Variants in BBS9 observed in about 807,000 individuals in gnomAD.
BBS9 encodes the protein Bardet-Biedl syndrome 9, also known as protein PTHB1.
BBS9 carries 89 observed loss-of-function variants against 117.7 expected under a neutral mutation model. The ratio of observed to expected loss-of-function variants is 0.76; its 90% CI spans 0.64 to 0.90. BBS9 has a LOEUF of 0.90. BBS9 is among the 40% of genes least tolerant of loss of function. The pLI is 0.00. For missense variants in BBS9, 982 were observed against 1,042.2 expected (o/e 0.94, Z 0.80); for synonymous variants, 379 against 370.9 (o/e 1.02, Z -0.25).
chr7:33,161,878 T>G (rs1490563783), intron 4 of BBS9, among the ~76,000 whole-genome samples: 1 of 152,262 alleles, frequency 6.6e-6, no homozygotes, highest in African/African-American at 2.4e-5. Context: ...CCAGTGATGA[T>G]GAGCATTTTT....
chr7:33,258,558 G>A (rs1797460079), intron 6 of BBS9, among the ~76,000 whole-genome samples: 1 of 152,140 alleles, frequency 6.6e-6, no homozygotes, highest in Admixed American at 6.5e-5. Flanking sequence ...GGAGATGATT[G>A]AATGGTGGCA....
intron 9 of BBS9, among the ~76,000 whole-genome samples, chr7:33,278,540 A>C (rs1432311064): frequency 6.6e-6 from 1 of 152,174 alleles, no homozygotes; most frequent in African/African-American, 2.4e-5. Context: ...AGACTAGATG[A>C]GTTCAGCTGA....
exon 22 of BBS9, among the ~76,000 whole-genome samples, chr7:33,635,345 T>C (rs1249628328): frequency 6.6e-6 from 1 of 152,132 alleles, no homozygotes; most frequent in East Asian, 1.9e-4. Context: ...CTTCTGTCTT[T>C]GGTCTGTGAT....
intron 21 of BBS9, among the ~76,000 whole-genome samples, chr7:33,589,876 C>T (rs1244315138): frequency 1.3e-5 from 2 of 151,892 alleles, no homozygotes; most frequent in Admixed American, 1.3e-4. Context: ...GATAAAGTCA[C>T]CAAGGGAGTA....
At chr7:33,412,274 A>G (rs982281214) in intron 19 of BBS9, among the ~76,000 whole-genome samples, 3 of 152,164 alleles carry the variant, frequency 2.0e-5, no homozygotes, top group Admixed American at 6.5e-5. Context: ...TTTTTAGTTC[A>G]TCTCCAGAGT....
At chr7:33,410,069 C>T (rs115697231) in intron 19 of BBS9, among the ~76,000 whole-genome samples, 1,570 of 152,176 alleles carry the variant, frequency 0.01, 31 homozygotes, top group African/African-American at 0.036. Flanking sequence ...TGGGTACTTC[C>T]ATCTTTTCTC....
chr7:33,558,846 A>G (rs1162704827), intron 21 of BBS9, among the ~76,000 whole-genome samples: 1 of 152,222 alleles, frequency 6.6e-6, no homozygotes, highest in East Asian at 1.9e-4. Flanking sequence ...ACATTTGAGA[A>G]AATGAATAAT....
chr7:33,526,226 C>G (rs1328183093), intron 20 of BBS9, among the ~76,000 whole-genome samples: 1 of 152,018 alleles, frequency 6.6e-6, no homozygotes, highest in East Asian at 1.9e-4. Flanking sequence ...AATTATGTGT[C>G]TTGGAGTTGC....
At chr7:33,268,842 G>T (rs1238167252) in intron 7 of BBS9, among the ~76,000 whole-genome samples, 2 of 152,150 alleles carry the variant, frequency 1.3e-5, no homozygotes, top group East Asian at 3.9e-4. Flanking sequence ...CTCTCAGAGT[G>T]AGGCACACAT....
At chr7:33,242,497 G>A (rs1467428894) in intron 5 of BBS9, among the ~76,000 whole-genome samples, 4 of 152,114 alleles carry the variant, frequency 2.6e-5, no homozygotes, top group African/African-American at 4.8e-5. Context: ...CCTTTATGGG[G>A]TTCACACTTT....
chr7:33,171,729 A>T (rs1796607760), intron 4 of BBS9, among the ~76,000 whole-genome samples: 1 of 152,202 alleles, frequency 6.6e-6, no homozygotes, highest in South Asian at 2.1e-4. Context: ...CAATATTTTA[A>T]CTTATAAATG....
intron 19 of BBS9, among the ~76,000 whole-genome samples, chr7:33,492,375 G>A (rs1176427758): frequency 6.6e-6 from 1 of 151,836 alleles, no homozygotes; most frequent in African/African-American, 2.4e-5. Flanking sequence ...GTAATTACTT[G>A]TCTCTTACAA....
At chr7:33,461,561 A>G (rs1238552385) in intron 19 of BBS9, among the ~76,000 whole-genome samples, 1 of 151,924 alleles carries the variant, frequency 6.6e-6, no homozygotes, top group African/African-American at 2.4e-5. Flanking sequence ...TTTAATTTCT[A>G]GTCTTCCGCT....
chr7:33,223,777 T>A (rs1165053551), intron 5 of BBS9, among the ~76,000 whole-genome samples: 1 of 152,226 alleles, frequency 6.6e-6, no homozygotes, highest in Non-Finnish European at 1.5e-5. Flanking sequence ...GTTTGTTGAA[T>A]GAATGGAATC....
At position 33,311,673 on chromosome 7, in the gene BBS9, C is replaced by T. The variant is rs570639875; in HGVS notation, c.1017-24768C>T. On this transcript the variant is annotated intron_variant, in intron 9 of 22. Transcript: ENST00000242067. ...CTCTACTGAAAATACAAAGATTAGC[C>T]GGGTGTGGTGGCATGTGCCTGTAAT... Among the ~76,000 whole-genome samples, 5 of 152,128 alleles carry T rather than the reference C, an allele frequency of 3.3e-5. No homozygotes were observed. The East Asian group carries it at 7.8e-4, about 24-fold the overall frequency.
chr7:33,370,922 G>A (rs1236197048), intron 17 of BBS9, among the ~76,000 whole-genome samples: 1 of 152,002 alleles, frequency 6.6e-6, no homozygotes, highest in Non-Finnish European at 1.5e-5. Context: ...TCCAAAATAT[G>A]AAAAGAGAAA....
At position 33,192,724 on chromosome 7, in the gene BBS9, G is replaced by A. The variant is rs923762005; in HGVS notation, c.442+15133G>A. Reference sequence around the variant, plus strand: ...GACATTTATTTCTCACAGGTCTGGAGGCTGGGAAGTCCAAAATCAAGGTGC... The same window carrying A: ...GACATTTATTTCTCACAGGTCTGGAAGCTGGGAAGTCCAAAATCAAGGTGC... On this transcript the variant is annotated intron_variant, in intron 5 of 22. Coordinates refer to ENST00000242067, the MANE Select transcript of BBS9 (RefSeq NM_198428.3). Among the ~76,000 whole-genome samples the A allele has an allele frequency of 2.8e-4, 43 of 152,192 alleles. 1 individual carries two copies. Among genetic ancestry groups the A allele is most frequent in the Non-Finnish European group, 5.9e-5 (4 of 68,028 alleles).
At chr7:33,254,371 A>T (rs1796685253) in intron 5 of BBS9, among the ~76,000 whole-genome samples, 1 of 152,164 alleles carries the variant, frequency 6.6e-6, no homozygotes, top group Admixed American at 6.5e-5. Flanking sequence ...TTTCAGCATT[A>T]TTGAGATATG....
intron 19 of BBS9, among the ~76,000 whole-genome samples, chr7:33,476,896 A>T (rs1320668635): frequency 6.6e-6 from 1 of 152,184 alleles, no homozygotes; most frequent in Non-Finnish European, 1.5e-5. Context: ...ATATATCTTG[A>T]TGGCTTGATA....
Sources: gnomAD v4.1 joint callset for allele counts (sites outside exome capture counted in the v4.1 genomes callset) on GRCh38, gnomAD v4.1.1 for gene constraint, MANE v1.5 for transcripts, NCBI Gene and HGNC (gene_info 2026-07-23, HGNC 2026-07-21) for gene names.